The following MCPH1 variants were observed in gnomAD, a reference collection of about 807,000 sequenced individuals.
The protein encoded by MCPH1 is microcephalin 1.
Under a neutral mutation model 84.5 loss-of-function variants are expected in MCPH1, and 104 were observed. That is an observed-to-expected ratio of 1.23 (90% CI 1.05 to 1.45). The LOEUF (loss-of-function observed/expected upper bound fraction) is 1.45, where lower values mean the gene tolerates loss of function less well. Among genes scored for constraint, MCPH1 ranks in the 40% most tolerant of loss-of-function variants. The pLI is 0.00. For missense variants in MCPH1, 1,498 were observed against 1,005.7 expected, an observed-to-expected ratio of 1.49 and a Z score of -6.62; for synonymous variants, 514 against 366.8, an observed-to-expected ratio of 1.40 and a Z score of -4.58.
At chr8:6,424,931 G>A (rs1800835900) in intron 3 of MCPH1, among the ~76,000 whole-genome samples, 2 of 152,208 alleles carry the variant, frequency 1.3e-5, no homozygotes, top group African/African-American at 4.8e-5. Context: ...CACTAACACA[G>A]TGCCGTTTAC....
At chr8:6,636,610 G>C (rs1797574458) in intron 13 of MCPH1, among the ~76,000 whole-genome samples, 1 of 152,174 alleles carries the variant, frequency 6.6e-6, no homozygotes, top group African/African-American at 2.4e-5. Context: ...CTCCGTTGTA[G>C]CTGGGACTAC....
chr8:6,460,406 G>A (rs1180827892), intron 9 of MCPH1, among the ~76,000 whole-genome samples: 3 of 151,634 alleles, frequency 2.0e-5, no homozygotes, highest in African/African-American at 4.8e-5. Context: ...GTAGAGATGG[G>A]GGTCTCTCCA....
intron 9 of MCPH1, among the ~76,000 whole-genome samples, chr8:6,457,363 T>C (rs1805802354): frequency 6.6e-6 from 1 of 151,948 alleles, no homozygotes; most frequent in South Asian, 2.1e-4. Flanking sequence ...GGCGGGCGGA[T>C]CACTTGAGGT....
intron 12 of MCPH1, among the ~76,000 whole-genome samples, chr8:6,585,163 C>A (rs540441694): frequency 6.6e-6 from 1 of 152,296 alleles, no homozygotes; most frequent in African/African-American, 2.4e-5. Context: ...TTTTCCGTGG[C>A]TAATGAAGGA....
chr8:6,486,129 A>T (rs1274493871), intron 11 of MCPH1, among the ~76,000 whole-genome samples: 1 of 152,248 alleles, frequency 6.6e-6, no homozygotes, highest in Non-Finnish European at 1.5e-5. Flanking sequence ...TTTAAAGCTT[A>T]GCACCCACTT....
chr8:6,601,830 G>C (rs1274358556), intron 12 of MCPH1, among the ~76,000 whole-genome samples: 1 of 146,772 alleles, frequency 6.8e-6, no homozygotes, highest in Non-Finnish European at 1.5e-5. Context: ...TTATCTAAAG[G>C]AGAAGCTTTT....
intron 12 of MCPH1, among the ~76,000 whole-genome samples, chr8:6,512,840 T>C (rs966257421): frequency 6.6e-6 from 1 of 152,236 alleles, no homozygotes; most frequent in Non-Finnish European, 1.5e-5. Flanking sequence ...GGGAATGCTG[T>C]GAATCTGATG....
At chr8:6,583,119 C>A (rs1398716691) in intron 12 of MCPH1, among the ~76,000 whole-genome samples, 1 of 152,110 alleles carries the variant, frequency 6.6e-6, no homozygotes, top group African/African-American at 2.4e-5. Context: ...CTATCCTAAC[C>A]AGCACAGTGC....
At chr8:6,436,210 C>G (rs774807799) in intron 5 of MCPH1, 48 bp downstream of exon 5, 3 of 1,589,102 alleles carry the variant, frequency 1.9e-6, no homozygotes, top group East Asian at 4.5e-5. Flanking sequence ...GTCCATACAC[C>G]TTGTTTAATT....
At chr8:6,617,658 A>G (rs904979289) in intron 12 of MCPH1, among the ~76,000 whole-genome samples, 4 of 151,652 alleles carry the variant, frequency 2.6e-5, no homozygotes, top group African/African-American at 9.7e-5. Context: ...AATTAGAATC[A>G]TTGGTTTTTG....
At chr8:6,522,514 C>CT (rs1360863033) in intron 12 of MCPH1, among the ~76,000 whole-genome samples, 1 of 151,826 alleles carries the variant, frequency 6.6e-6, no homozygotes, top group East Asian at 1.9e-4. Context: ...TGGCTCACAC[C>CT]TATAATCCCA....
At chr8:6,574,284 T>C (rs902856158) in intron 12 of MCPH1, among the ~76,000 whole-genome samples, 1 of 151,946 alleles carries the variant, frequency 6.6e-6, no homozygotes, top group Admixed American at 6.6e-5. Flanking sequence ...CTATAGGGGG[T>C]CCTTCCCTGT....
chr8:6,492,693 AT>A lies in MCPH1; in HGVS notation c.2137-7152del, dbSNP rs994526827. 4.8e-4 allele frequency among the ~76,000 whole-genome samples: 70 copies of A among 147,316 alleles called. 1 individual carries two copies. The highest frequency in any genetic ancestry group is 3.6e-3 in the Middle Eastern group (1 of 278). On this transcript the variant is annotated intron_variant, in intron 11 of 13. Transcript: ENST00000344683. ...AATTTTTAGAATATTAAAATTTAAA[AT>A]TTTTTTAAAAATAAATATTTTATAT... is the stretch of plus-strand genomic sequence containing the variant.
chr8:6,416,236 A>G (rs1316186605), intron 3 of MCPH1, among the ~76,000 whole-genome samples: 1 of 152,136 alleles, frequency 6.6e-6, no homozygotes, highest in Non-Finnish European at 1.5e-5. Context: ...TTGTAAATAG[A>G]GATAGATTTA....
chr8:6,505,695 G>A (rs13266099), intron 12 of MCPH1, among the ~76,000 whole-genome samples: 11 of 94,052 alleles, frequency 1.2e-4, no homozygotes, highest in East Asian at 4.9e-4. Context: ...TAGAATATAT[G>A]TATTCTTTAT....
At chr8:6,433,982 C>G (rs1440222731) in intron 4 of MCPH1, among the ~76,000 whole-genome samples, 1 of 152,136 alleles carries the variant, frequency 6.6e-6, no homozygotes, top group African/African-American at 2.4e-5. Context: ...CTGGAACATT[C>G]TTCCCCCAAA....
At chr8:6,513,958 CT>C in intron 12 of MCPH1, 1 of 1,033,260 alleles carries the variant, frequency 9.7e-7, no homozygotes, top group Non-Finnish European at 1.4e-6. Context: ...GAAATTCCTT[CT>C]GGTGCTGTGA....
At chr8:6,429,894 C>G (rs1021038729) in intron 3 of MCPH1, among the ~76,000 whole-genome samples, 7 of 152,176 alleles carry the variant, frequency 4.6e-5, no homozygotes, top group African/African-American at 1.7e-4. Flanking sequence ...ACCCACAGGA[C>G]AGGGTCCAAG....
intron 3 of MCPH1, 143 bp from the exon 4 acceptor site, chr8:6,431,356 G>A: frequency 1.5e-6 from 1 of 649,294 alleles, no homozygotes; most frequent in Admixed American, 2.8e-5. Flanking sequence ...TTTTGTATTT[G>A]CAGTTGTATT....
Sources: allele counts gnomAD v4.1 joint callset (sites outside exome capture counted in the v4.1 genomes callset), GRCh38; gene constraint gnomAD v4.1.1; transcripts MANE v1.5; gene names NCBI Gene and HGNC (gene_info 2026-07-23, HGNC 2026-07-21).